Variants in ZNF778 observed in about 807,000 individuals in gnomAD.
ZNF778 encodes the protein zinc finger protein 778.
In ZNF778, 37 loss-of-function variants were observed where a neutral mutation model predicts 23.9. The ratio of observed to expected loss-of-function variants is 1.54; its 90% confidence interval spans 1.19 to 2.03. The LOEUF (loss-of-function observed/expected upper bound fraction) is 2.03, where lower values mean the gene tolerates loss of function less well. Ranked by LOEUF, ZNF778 falls within the 30% of genes most tolerant of loss-of-function variation. The pLI is 0.00. For missense variants in ZNF778, 1,297 were observed against 934.4 expected (o/e 1.39, Z -5.06); for synonymous variants, 483 against 343.9 (o/e 1.40, Z -4.48).
chr16:89,230,218 G>A lies in ZNF778; in HGVS notation c.*1656G>A. On this transcript the variant is annotated 3_prime_UTR_variant, in exon 7 of 7. Coordinates refer to ENST00000433976, the MANE Select transcript of ZNF778 (RefSeq NM_001201407.2). ...GATAAAACACCAGGGTGCAAGGAGG[G>A]GCAGAGTGGAGAGGGGCGAGGTCTG... is the stretch of plus-strand genomic sequence containing the variant. 2 of 329,068 alleles carry A rather than the reference G, an allele frequency of 6.1e-6. No individual in the cohort carries two copies. Among genetic ancestry groups the A allele is most frequent in the Non-Finnish European group, 8.7e-6 (2 of 230,178 alleles). 20.4% of individuals were successfully genotyped at this position (329,068 alleles called of 1,614,324 possible). A position where few individuals can be genotyped will look rare whatever the true frequency, so the allele number is the denominator to read the frequency against.
chr16:89,226,481 A>C (rs900656844), intron 6 of ZNF778, among the ~76,000 whole-genome samples: 15 of 152,208 alleles, frequency 9.9e-5, no homozygotes, highest in Non-Finnish European at 1.8e-4. Context: ...CTGGGATTAC[A>C]GGCATGAGCT....
In ZNF778 at chr16:89,226,703, C is replaced by T; in HGVS notation, c.415C>T (p.His139Tyr). ...ASNETQTARS[H>Y]NGGQLCDRTQ... ...CATTCTTCACCAACAGGCAAGAAGC[C>T]ACAATGGAGGGCAGCTCTGTGACCG... Residue 139 changes from histidine (H) to tyrosine (Y), a missense_variant, in exon 7 of 7, where the codon CAC (histidine) becomes TAC (tyrosine). Transcript: ENST00000433976. 6.2e-7 allele frequency: 1 copy of T among 1,609,016 alleles called. No individual in the cohort carries two copies. Among genetic ancestry groups the T allele is most frequent in the Non-Finnish European group, 8.5e-7 (1 of 1,176,552 alleles).
chr16:89,222,545 G>A (rs997468309), intron 3 of ZNF778, among the ~76,000 whole-genome samples: 1 of 152,182 alleles, frequency 6.6e-6, no homozygotes, highest in Non-Finnish European at 1.5e-5. Flanking sequence ...TGTATTTTTA[G>A]TAGAGACGGG....
Position 89,228,529 on chromosome 16 carries a change from C to T in ZNF778, c.2241C>T (p.His747=). The change falls in exon 7 of 7, where the codon CAC becomes CAT. Residue 747 remains histidine, a synonymous_variant. Coordinates refer to ENST00000433976, the MANE Select transcript of ZNF778 (RefSeq NM_001201407.2). ...SFKNSSCLNH[H]TQIHTDEKPF Reference sequence around the variant, plus strand: ...AGAATTCCTCATGCCTTAACCATCACACTCAAATTCACACTGATGAGAAAC... The same window carrying T: ...AGAATTCCTCATGCCTTAACCATCATACTCAAATTCACACTGATGAGAAAC... The T allele has an allele frequency of 6.3e-7, 1 of 1,597,344 alleles. No homozygotes were observed. Among genetic ancestry groups the T allele is most frequent in the South Asian group, 1.1e-5 (1 of 87,778 alleles).
Position 89,227,967 on chromosome 16 carries a change from C to T in ZNF778, c.1679C>T (p.Pro560Leu), listed in dbSNP as rs374836638. The T allele has an allele frequency of 6.1e-5, 97 of 1,590,080 alleles. No homozygotes were observed. In the African/African-American group the frequency reaches 8.7e-4, roughly 14 times the overall value. Residue 560 changes from proline (P) to leucine (L), a missense_variant, in exon 7 of 7, where the codon CCC becomes CTC. Coordinates refer to ENST00000433976, the MANE Select transcript of ZNF778 (RefSeq NM_001201407.2). ...GTGAAAACTCACACAGAGGAGAAGCCCTTTATATGTACGGTATGCAGGAAA... is the reference window on the plus strand; with the variant it reads ...GTGAAAACTCACACAGAGGAGAAGCTCTTTATATGTACGGTATGCAGGAAA... ...EHVKTHTEEK[P>L]FICTVCRKSF...
rs1428605243 is a variant in ZNF778 at position 89,229,089 on chromosome 16, A to G, written c.*527A>G. ...GAATCTTTATGATGCTGCACTGATC[A>G]TTCTTGGAGTGAGGACTCTGTTCCC... On this transcript the variant is annotated 3_prime_UTR_variant, in exon 7 of 7. Coordinates refer to ENST00000433976, the MANE Select transcript of ZNF778 (RefSeq NM_001201407.2). The G allele has an allele frequency of 1.0e-6, 1 of 986,556 alleles. No homozygotes were observed. Among genetic ancestry groups the G allele is most frequent in the Non-Finnish European group, 1.2e-6 (1 of 830,880 alleles). 61.1% of individuals were successfully genotyped at this position (986,556 alleles called of 1,614,324 possible).
chr16:89,222,611 G>A (rs949461617), intron 3 of ZNF778, among the ~76,000 whole-genome samples: 18 of 152,198 alleles, frequency 1.2e-4, no homozygotes, highest in African/African-American at 4.1e-4. Flanking sequence ...TGATCCACCC[G>A]CTTTGGCCTC....
rs79018819 is a variant in ZNF778, at chr16:89,233,059, A to G, written c.*4497A>G. 699 of 1,220,220 alleles carry G rather than the reference A, an allele frequency of 5.7e-4. 42 individuals carry two copies. In the African/African-American group the frequency reaches 0.015, roughly 26 times the overall value. 75.6% of individuals were successfully genotyped at this position (1,220,220 alleles called of 1,614,324 possible). ...GTATGCAACTCAGCTCGCTCTGCGT[A>G]TGCAACTCAGCTCGCACTGCGTATG... On this transcript the variant is annotated 3_prime_UTR_variant, in exon 7 of 7. Transcript: ENST00000433976.
chr16:89,220,229 A>C (rs1324684499), intron 1 of ZNF778, among the ~76,000 whole-genome samples: 2 of 152,210 alleles, frequency 1.3e-5, no homozygotes, highest in East Asian at 3.8e-4. Context: ...TACAGTTTAT[A>C]CAAGGAGAAT....
intron 1 of ZNF778, among the ~76,000 whole-genome samples, chr16:89,220,041 A>G (rs910951872): frequency 1.3e-5 from 2 of 152,216 alleles, no homozygotes; most frequent in African/African-American, 4.8e-5. Flanking sequence ...TCATGTCAAC[A>G]TAGTGTATGA....
Position 89,231,486 on chromosome 16 carries a change from C to T in ZNF778, c.*2924C>T, listed in dbSNP as rs899348845. 6.6e-6 allele frequency: 1 copy of T among 152,242 alleles called. No homozygotes were observed. The highest frequency in any genetic ancestry group is 1.5e-5 in the Non-Finnish European group (1 of 68,084). 9.4% of individuals were successfully genotyped at this position (152,242 alleles called of 1,614,324 possible). On this transcript the variant is annotated 3_prime_UTR_variant, in exon 7 of 7. Transcript: ENST00000433976. ...ATTAAGACGACTACCCCTCCGACGA[C>T]TCCCCCTCCCTTCACTGGAGGTGAC... is the stretch of plus-strand genomic sequence containing the variant.
chr16:89,218,881 G>C lies in ZNF778; in HGVS notation c.-132+971G>C, dbSNP rs923528576. 3.3e-5 allele frequency among the ~76,000 whole-genome samples: 5 copies of C among 152,332 alleles called. No individual in the cohort carries two copies. In the South Asian group the frequency reaches 8.3e-4, roughly 25 times the overall value. On this transcript the variant is annotated intron_variant, in intron 1 of 6. Transcript: ENST00000433976. ...CTAGCACTTTGGGAGGCCGAGGCGGGTGGATCATCTGAGGTCGGGAGTTCA... is the reference window on the plus strand; with the variant it reads ...CTAGCACTTTGGGAGGCCGAGGCGGCTGGATCATCTGAGGTCGGGAGTTCA...
rs1303051600 is a variant in ZNF778, at chr16:89,227,337, C to G, written c.1049C>G (p.Ser350Ter). 1 of 1,613,912 alleles carries G rather than the reference C, an allele frequency of 6.2e-7. No individual in the cohort carries two copies. Among genetic ancestry groups the G allele is most frequent in the African/African-American group, 1.3e-5 (1 of 74,936 alleles). Residue 350 changes from serine (S) to a stop codon, truncating the protein, a stop_gained, in exon 7 of 7, where the codon TCA becomes TGA. Transcript: ENST00000433976. LOFTEE classifies it low-confidence loss of function (END_TRUNC). ...TGCGGAAAAGCCTTCACTGGACTCTCAGGTCTTTCTAAACACGTCCAAACA... is the reference window on the plus strand; with the variant it reads ...TGCGGAAAAGCCTTCACTGGACTCTGAGGTCTTTCTAAACACGTCCAAACA... ...KECGKAFTGL[S>*]GLSKHVQTDP...
chr16:89,226,609 C>T, intron 6 of ZNF778, 85 bp from the exon 7 acceptor site: 5 of 1,248,100 alleles, frequency 4.0e-6, no homozygotes, highest in Non-Finnish European at 4.4e-6. Context: ...TCGTAATCAT[C>T]ATCGTCATGC....
At position 89,228,387 on chromosome 16, in the gene ZNF778, C is replaced by G. The variant is rs1567508424; in HGVS notation, c.2099C>G (p.Pro700Arg). Residue 700 changes from proline (P) to arginine (R), a missense_variant, in exon 7 of 7, where the codon CCC becomes CGC. Physicochemically the swap from Pro to Arg is moderately radical, Grantham distance 103. Transcript: ENST00000433976. Reference sequence around the variant, plus strand: ...GGAAGAATTCACACTGGGCAGAAACCCTATAAATGTAAGGAATGTGGGAAA... The same window carrying G: ...GGAAGAATTCACACTGGGCAGAAACGCTATAAATGTAAGGAATGTGGGAAA... Reference protein sequence around the residue: ...KHGRIHTGQKPYKCKECGKAY... With the variant: ...KHGRIHTGQKRYKCKECGKAY... The G allele has an allele frequency of 1.2e-6, 2 of 1,613,726 alleles. No individual in the cohort carries two copies. The highest frequency in any genetic ancestry group is 1.7e-6 in the Non-Finnish European group (2 of 1,179,790).
chr16:89,221,190 C>A, intron 2 of ZNF778, 38 bp downstream of exon 2: 1 of 1,487,136 alleles, frequency 6.7e-7, no homozygotes, highest in South Asian at 1.2e-5. Context: ...AGCCTCTGCT[C>A]TAGGTCCTGA....
rs529869267 is a variant in ZNF778, at chr16:89,234,248, A to C, written c.*5686A>C. On this transcript the variant is annotated 3_prime_UTR_variant, in exon 7 of 7. Coordinates refer to ENST00000433976, the MANE Select transcript of ZNF778 (RefSeq NM_001201407.2). The stretch of plus-strand genomic sequence containing the variant: ...TCTACCTAAGCACATGTCTGTGACA[A>C]GGTCTTACCCAGCCCAGGGATTCTT... 4.2e-4 allele frequency: 150 copies of C among 356,978 alleles called. 1 individual carries two copies. Among genetic ancestry groups the C allele is most frequent in the South Asian group, 9.0e-4 (43 of 47,900 alleles). 22.1% of individuals were successfully genotyped at this position (356,978 alleles called of 1,614,324 possible).
At chr16:89,219,887 A>C (rs145853588) in intron 1 of ZNF778, among the ~76,000 whole-genome samples, 68 of 152,374 alleles carry the variant, frequency 4.5e-4, no homozygotes, top group African/African-American at 1.6e-3. Context: ...TTGGAGGTGC[A>C]TATCGGAGGG....
chr16:89,223,812 GA>G (rs1567500091), intron 4 of ZNF778, among the ~76,000 whole-genome samples: 1 of 152,138 alleles, frequency 6.6e-6, no homozygotes, highest in Non-Finnish European at 1.5e-5. Context: ...GCATTCTTTA[GA>G]AATGTAGTTC....
Sources: gnomAD v4.1 joint callset for allele counts (sites outside exome capture counted in the v4.1 genomes callset) on GRCh38, gnomAD v4.1.1 for gene constraint, MANE v1.5 for transcripts, NCBI Gene and HGNC (gene_info 2026-07-23, HGNC 2026-07-21) for gene names.